CACNB2: variants seen among roughly 807,000 people sequenced by gnomAD.
The protein encoded by CACNB2 is calcium voltage-gated channel auxiliary subunit beta 2.
In CACNB2, 42 loss-of-function variants were observed where a neutral mutation model predicts 73.3. The ratio of observed to expected loss-of-function variants is 0.57; its 90% CI spans 0.45 to 0.74. CACNB2 has a LOEUF of 0.74. CACNB2 is among the 30% of genes least tolerant of loss of function. CACNB2 has a pLI of 0.00. For synonymous variants in CACNB2, 348 were observed against 310.3 expected (o/e 1.12, Z -1.28); for missense variants, 940 against 853.0 (o/e 1.10, Z -1.27).
At chr10:18,276,987 C>G (rs557951768) in intron 2 of CACNB2, among the ~76,000 whole-genome samples, 2 of 152,138 alleles carry the variant, frequency 1.3e-5, no homozygotes, top group South Asian at 4.1e-4. Context: ...TGTGGTGGTA[C>G]GCACCTGCAG....
Position 18,539,913 on chromosome 10 carries a change from T to A in CACNB2, c.*189T>A. On this transcript the variant is annotated 3_prime_UTR_variant, in exon 14 of 14. Coordinates refer to ENST00000324631, the MANE Select transcript of CACNB2 (RefSeq NM_201596.3). ...ATTGAGATACTTTTTCTTTTGTAAG[T>A]GCTACATAAATTGGCCTGGTATGGC... 1.5e-6 allele frequency: 1 copy of A among 676,194 alleles called. No individual in the cohort carries two copies. Among genetic ancestry groups the A allele is most frequent in the Non-Finnish European group, 2.4e-6 (1 of 419,946 alleles). The allele number at this position is 676,194 out of a possible 1,614,324, so 41.9% of individuals were successfully genotyped here.
At chr10:18,301,681 C>G (rs1039806404) in intron 2 of CACNB2, among the ~76,000 whole-genome samples, 2 of 149,608 alleles carry the variant, frequency 1.3e-5, no homozygotes, top group Non-Finnish European at 3.0e-5. Flanking sequence ...TGGAGTCTTG[C>G]TCTGTCACCC....
chr10:18,329,408 G>C (rs897903689), intron 2 of CACNB2, among the ~76,000 whole-genome samples: 3 of 151,866 alleles, frequency 2.0e-5, no homozygotes, highest in African/African-American at 4.8e-5. Flanking sequence ...TAAAGGAGCA[G>C]GAGATGAATC....
At chr10:18,404,764 G>C (rs191292963) in intron 3 of CACNB2, among the ~76,000 whole-genome samples, 1 of 152,176 alleles carries the variant, frequency 6.6e-6, no homozygotes, top group Non-Finnish European at 1.5e-5. Context: ...AGTGAGACTA[G>C]AGATACTGTC....
intron 2 of CACNB2, among the ~76,000 whole-genome samples, chr10:18,388,455 A>G (rs960576933): frequency 1.3e-5 from 2 of 152,138 alleles, no homozygotes; most frequent in Non-Finnish European, 2.9e-5. Flanking sequence ...TACATTAACT[A>G]TATTAGGTCC....
intron 2 of CACNB2, among the ~76,000 whole-genome samples, chr10:18,186,540 C>T (rs1017798991): frequency 2.6e-5 from 4 of 152,164 alleles, no homozygotes; most frequent in Admixed American, 1.3e-4. Context: ...CCTCAGCTTC[C>T]GGGGAGGCCT....
In CACNB2 at chr10:18,463,600, TTTTTG is replaced by T. The variant is rs1158971933; in HGVS notation, c.334-34750_334-34746del. ...CTGCTAGTTGTTTTTTTTTTGTTGT[TTTTTG>T]TTTTTTTTTTGTAGAGATGGGGTTT... On this transcript the variant is annotated intron_variant, in intron 3 of 13. Transcript: ENST00000324631. Among the ~76,000 whole-genome samples, 161 of 147,842 alleles carry T rather than the reference TTTTTG, an allele frequency of 1.1e-3. 1 individual carries two copies. Among genetic ancestry groups the T allele is most frequent in the African/African-American group, 3.1e-3 (126 of 40,792 alleles).
intron 2 of CACNB2, among the ~76,000 whole-genome samples, chr10:18,259,903 C>T (rs866171153): frequency 6.6e-6 from 1 of 152,042 alleles, no homozygotes; most frequent in African/African-American, 2.4e-5. Flanking sequence ...GAGTAAGACC[C>T]TATCTCAAAA....
At chr10:18,309,404 A>G (rs1490081725) in intron 2 of CACNB2, among the ~76,000 whole-genome samples, 1 of 152,184 alleles carries the variant, frequency 6.6e-6, no homozygotes, top group African/African-American at 2.4e-5. Context: ...TCGGGGCTGC[A>G]TGGTGCAGTT....
At chr10:18,348,934 C>A (rs536017274) in intron 2 of CACNB2, among the ~76,000 whole-genome samples, 16 of 152,144 alleles carry the variant, frequency 1.1e-4, no homozygotes, top group African/African-American at 3.6e-4. Context: ...GCCTGGGCAA[C>A]ATAGGGAGAC....
At chr10:18,196,432 T>A (rs1360628500) in intron 2 of CACNB2, among the ~76,000 whole-genome samples, 1 of 151,688 alleles carries the variant, frequency 6.6e-6, no homozygotes, top group African/African-American at 2.4e-5. Flanking sequence ...TCCTCTTACC[T>A]CAGCCTCCCG....
At chr10:18,444,054 T>C (rs1183457620) in intron 3 of CACNB2, among the ~76,000 whole-genome samples, 1 of 152,146 alleles carries the variant, frequency 6.6e-6, no homozygotes, top group Non-Finnish European at 1.5e-5. Context: ...AGGATCCCTT[T>C]TCATCACTCC....
chr10:18,155,938 A>G (rs1477561146), intron 2 of CACNB2, among the ~76,000 whole-genome samples: 1 of 151,556 alleles, frequency 6.6e-6, no homozygotes, highest in East Asian at 1.9e-4. Context: ...TGCCATATAC[A>G]TACCATATAT....
At chr10:18,421,305 T>G (rs980915210) in intron 3 of CACNB2, among the ~76,000 whole-genome samples, 23 of 152,064 alleles carry the variant, frequency 1.5e-4, no homozygotes, top group African/African-American at 5.3e-4. Flanking sequence ...TTTTTTGTTT[T>G]TTTTTTTCTA....
chr10:18,481,231 T>TATATATATATAA (rs1467945071), intron 3 of CACNB2, among the ~76,000 whole-genome samples: 1 of 12,534 alleles, frequency 8.0e-5, no homozygotes, highest in Admixed American at 1.7e-3. Context: ...TATATATATA[T>TATATATATATAA]TTTTTTTTTT....
rs1337399767 is a variant in CACNB2 at position 18,515,556 on chromosome 10, C to T, written c.804+1187C>T. 2.6e-5 allele frequency among the ~76,000 whole-genome samples: 4 copies of T among 152,220 alleles called. No homozygotes were observed. In the East Asian group the frequency reaches 5.8e-4, roughly 22 times the overall value. ...CAAGTCATTAATGAGGTGTCAGATA[C>T]AGAACTGTAAAGTTGGCTTTTTTTG... On this transcript the variant is annotated intron_variant, in intron 7 of 13. Coordinates refer to ENST00000324631, the MANE Select transcript of CACNB2 (RefSeq NM_201596.3).
At chr10:18,151,469 A>G (rs17662228) in intron 2 of CACNB2, among the ~76,000 whole-genome samples, 10,882 of 152,154 alleles carry the variant, frequency 0.072, 506 homozygotes, top group South Asian at 0.12. Flanking sequence ...GACATAATTT[A>G]AACCATTTCT....
At chr10:18,291,701 G>C (rs1374200550) in intron 2 of CACNB2, among the ~76,000 whole-genome samples, 1 of 152,174 alleles carries the variant, frequency 6.6e-6, no homozygotes, top group South Asian at 2.1e-4. Context: ...ATTGTTGACC[G>C]CTTCAGTACT....
chr10:18,448,713 A>C (rs2046866452), intron 3 of CACNB2, among the ~76,000 whole-genome samples: 1 of 152,172 alleles, frequency 6.6e-6, no homozygotes, highest in Non-Finnish European at 1.5e-5. Flanking sequence ...ACCCCAGAGA[A>C]GGGAAAAATG....
Sources: gnomAD v4.1 joint callset for allele counts (sites outside exome capture counted in the v4.1 genomes callset) on GRCh38, gnomAD v4.1.1 for gene constraint, MANE v1.5 for transcripts, NCBI Gene and HGNC (gene_info 2026-07-23, HGNC 2026-07-21) for gene names.